The following BMAL1 variants were observed in gnomAD, a reference collection of about 807,000 sequenced individuals.
BMAL1 encodes basic helix-loop-helix ARNT-like protein 1.
the BMAL1 span, among the ~76,000 whole-genome samples, chr11:13,284,230 G>GTATATATATA: frequency 1.5e-4 from 3 of 20,652 alleles, no homozygotes; most frequent in African/African-American, 5.5e-4. Context: ...ATATATATGT[G>GTATATATATA]TGTGTATATA....
chr11:13,296,635 G>T, the BMAL1 span, among the ~76,000 whole-genome samples: 1 of 152,208 alleles, frequency 6.6e-6, no homozygotes, highest in South Asian at 2.1e-4. Context: ...GTGGCCCTCA[G>T]AGGGCCTGGA....
chr11:13,376,752 T>A, the BMAL1 span: 2 of 1,607,552 alleles, frequency 1.2e-6, no homozygotes, highest in Non-Finnish European at 1.7e-6. Flanking sequence ...GCTGGGGCCC[T>A]GGGGCTTGCC....
At chr11:13,311,723 T>G in the BMAL1 span, among the ~76,000 whole-genome samples, 1 of 152,180 alleles carries the variant, frequency 6.6e-6, no homozygotes, top group Non-Finnish European at 1.5e-5. Flanking sequence ...TTTGGGAGTT[T>G]GTGTGTACCT....
the BMAL1 span, chr11:13,354,190 T>TGCCCCCC: frequency 2.1e-6 from 1 of 487,472 alleles, no homozygotes. Context: ...GCCCCGGGTC[T>TGCCCCCC]CCCCCCCCGG....
chr11:13,370,890 C>T, the BMAL1 span, among the ~76,000 whole-genome samples: 1 of 152,218 alleles, frequency 6.6e-6, no homozygotes, highest in African/African-American at 2.4e-5. Flanking sequence ...ATGCCTCAAG[C>T]CCCTTCTGGG....
chr11:13,382,966 G>A, the BMAL1 span, among the ~76,000 whole-genome samples: 1 of 152,156 alleles, frequency 6.6e-6, no homozygotes, highest in African/African-American at 2.4e-5. Flanking sequence ...TTTTCTTTGA[G>A]AAGAATGGAT....
the BMAL1 span, among the ~76,000 whole-genome samples, chr11:13,314,205 A>C: frequency 4.1e-5 from 6 of 146,830 alleles, no homozygotes; most frequent in South Asian, 1.3e-3. Context: ...ATGCTCAGCA[A>C]CCTGAGCTCC....
At chr11:13,284,192 A>G in the BMAL1 span, among the ~76,000 whole-genome samples, 74 of 59,606 alleles carry the variant, frequency 1.2e-3, 5 homozygotes, top group South Asian at 5.0e-3. Context: ...ATATATATAT[A>G]TGTGTGTATA....
the BMAL1 span, chr11:13,356,933 C>T: frequency 6.3e-7 from 1 of 1,586,178 alleles, no homozygotes; most frequent in Non-Finnish European, 8.6e-7. Flanking sequence ...CCTCCAACCC[C>T]CAGTCCCCTT....
the BMAL1 span, among the ~76,000 whole-genome samples, chr11:13,303,105 C>A: frequency 1.3e-5 from 2 of 152,142 alleles, no homozygotes; most frequent in African/African-American, 2.4e-5. Context: ...ACTATTACTT[C>A]CCCCATTTTA....
the BMAL1 span, among the ~76,000 whole-genome samples, chr11:13,277,425 G>A: frequency 2.0e-5 from 3 of 152,190 alleles, no homozygotes; most frequent in African/African-American, 4.8e-5. Context: ...GAGAGGGCAG[G>A]GGCGAGGAAC....
At chr11:13,360,356 C>T in the BMAL1 span, 1 of 1,613,414 alleles carries the variant, frequency 6.2e-7, no homozygotes, top group Non-Finnish European at 8.5e-7. Context: ...TGCCACCAAT[C>T]CATACACAGA....
At chr11:13,302,973 C>G in the BMAL1 span, among the ~76,000 whole-genome samples, 1 of 152,236 alleles carries the variant, frequency 6.6e-6, no homozygotes, top group African/African-American at 2.4e-5. Context: ...CAGTCTTGTC[C>G]TCTGGCCTCG....
the BMAL1 span, among the ~76,000 whole-genome samples, chr11:13,339,949 A>T: frequency 6.6e-6 from 1 of 152,180 alleles, no homozygotes; most frequent in Admixed American, 6.5e-5. Context: ...TGGCACTTGG[A>T]TGCCCTCAGT....
the BMAL1 span, among the ~76,000 whole-genome samples, chr11:13,347,534 G>A: frequency 6.6e-6 from 1 of 151,890 alleles, no homozygotes; most frequent in Non-Finnish European, 1.5e-5. Flanking sequence ...CTTGAAATTT[G>A]GATCCTTCAT....
the BMAL1 span, among the ~76,000 whole-genome samples, chr11:13,323,339 A>G: frequency 6.6e-6 from 1 of 151,988 alleles, no homozygotes; most frequent in Non-Finnish European, 1.5e-5. Flanking sequence ...TGAGCCCCCA[A>G]CTCCCATACC....
the BMAL1 span, among the ~76,000 whole-genome samples, chr11:13,290,710 G>C: frequency 1.3e-5 from 2 of 152,068 alleles, no homozygotes; most frequent in Non-Finnish European, 2.9e-5. Context: ...TGTCAGTTCT[G>C]TTTTCTAGTT....
the BMAL1 span, among the ~76,000 whole-genome samples, chr11:13,322,707 T>C: frequency 6.8e-6 from 1 of 146,858 alleles, no homozygotes; most frequent in South Asian, 2.2e-4. Flanking sequence ...GTAGATGCTG[T>C]GGGAGAAGAG....
chr11:13,329,571 A>T, the BMAL1 span, among the ~76,000 whole-genome samples: 4 of 152,266 alleles, frequency 2.6e-5, no homozygotes, highest in African/African-American at 9.6e-5. Context: ...TGCTTTGAAC[A>T]TTCTGGTTTC....
Sources: gnomAD v4.1 joint callset for allele counts (sites outside exome capture counted in the v4.1 genomes callset) on GRCh38, gnomAD v4.1.1 for gene constraint, MANE v1.5 for transcripts, NCBI Gene and HGNC (gene_info 2026-07-23, HGNC 2026-07-21) for gene names.